The following ZNRF3 variants were observed in gnomAD, a reference collection of about 807,000 sequenced individuals.
ZNRF3 encodes the protein E3 ubiquitin-protein ligase ZNRF3.
ZNRF3 carries 23 observed loss-of-function variants against 72.5 expected under a neutral mutation model. That is an observed-to-expected ratio of 0.32 (90% CI 0.23 to 0.45). The LOEUF (loss-of-function observed/expected upper bound fraction) is 0.45. Ranked by LOEUF, ZNRF3 falls within the 20% of genes least tolerant of loss-of-function variation. ZNRF3 has a pLI of 1.00. For missense variants in ZNRF3, 1,169 were observed against 1,272.1 expected, an observed-to-expected ratio of 0.92 and a Z score of 1.23; for synonymous variants, 610 against 545.3, an observed-to-expected ratio of 1.12 and a Z score of -1.65.
At chr22:28,913,475 TTAGA>T (rs1372058978) in intron 1 of ZNRF3, among the ~76,000 whole-genome samples, 1 of 151,912 alleles carries the variant, frequency 6.6e-6, no homozygotes, top group Non-Finnish European at 1.5e-5. Flanking sequence ...TGGTGTCCTG[TTAGA>T]TTATGAGGAT....
intron 1 of ZNRF3, among the ~76,000 whole-genome samples, chr22:28,900,230 C>T (rs1320963807): frequency 1.3e-5 from 2 of 152,120 alleles, no homozygotes; most frequent in Non-Finnish European, 1.5e-5. Context: ...TCCCTTATAC[C>T]AAGATGGGGT....
intron 2 of ZNRF3, among the ~76,000 whole-genome samples, chr22:29,027,600 G>A (rs2036664408): frequency 6.6e-6 from 1 of 152,166 alleles, no homozygotes; most frequent in African/African-American, 2.4e-5. Flanking sequence ...CCACTGGGCT[G>A]ACAGCCACTG....
intron 2 of ZNRF3, among the ~76,000 whole-genome samples, chr22:29,007,763 T>C (rs2036284333): frequency 6.9e-6 from 1 of 144,778 alleles, no homozygotes; most frequent in Admixed American, 6.8e-5. Context: ...TTTTTTTTTT[T>C]TTTTTTTTTT....
chr22:28,987,206 G>C lies in ZNRF3; in HGVS notation c.426+5G>C. The C allele has an allele frequency of 6.2e-7, 1 of 1,605,390 alleles. No homozygotes were observed. On this transcript the variant is annotated splice_donor_5th_base_variant and intron_variant, in intron 2 of 8. Coordinates refer to ENST00000544604, the MANE Select transcript of ZNRF3 (RefSeq NM_001206998.2). ...TGCCTCACTGTCCTAGGCAAGGTAA[G>C]CACCAGGCCCTTGGAATCACTGTGT...
chr22:28,946,418 T>C (rs1292850251), intron 1 of ZNRF3, among the ~76,000 whole-genome samples: 1 of 152,230 alleles, frequency 6.6e-6, no homozygotes, highest in African/African-American at 2.4e-5. Flanking sequence ...AAGGAAGTTA[T>C]ATCGCTTAGC....
chr22:28,999,047 G>A (rs2036096025), intron 2 of ZNRF3, among the ~76,000 whole-genome samples: 1 of 152,042 alleles, frequency 6.6e-6, no homozygotes, highest in African/African-American at 2.4e-5. Flanking sequence ...GCCGGGTGCG[G>A]TGGCTCATGC....
chr22:28,926,306 A>T (rs1344140911), intron 1 of ZNRF3, among the ~76,000 whole-genome samples: 1 of 152,066 alleles, frequency 6.6e-6, no homozygotes, highest in Admixed American at 6.5e-5. Flanking sequence ...TTTTAAATTG[A>T]TTTGAAGAAA....
intron 1 of ZNRF3, among the ~76,000 whole-genome samples, chr22:28,937,688 A>G (rs1402377619): frequency 6.6e-6 from 1 of 152,126 alleles, no homozygotes; most frequent in Non-Finnish European, 1.5e-5. Flanking sequence ...CCTGGCAACC[A>G]CCCTTTGAGA....
intron 1 of ZNRF3, among the ~76,000 whole-genome samples, chr22:28,946,459 C>G (rs146962471): frequency 7.9e-5 from 12 of 152,322 alleles, no homozygotes; most frequent in African/African-American, 2.9e-4. Flanking sequence ...TGTCATCCTT[C>G]TGTAATCATG....
intron 1 of ZNRF3, among the ~76,000 whole-genome samples, chr22:28,944,087 A>G (rs1392001447): frequency 6.6e-6 from 1 of 152,162 alleles, no homozygotes; most frequent in African/African-American, 2.4e-5. Flanking sequence ...TAAAATTAGC[A>G]ATCATTTTTA....
chr22:28,884,359 T>G (rs2123738394), intron 1 of ZNRF3, among the ~76,000 whole-genome samples: 1 of 152,316 alleles, frequency 6.6e-6, no homozygotes, highest in African/African-American at 2.4e-5. Flanking sequence ...GGTTGGGTAT[T>G]TAGGTCTGCC....
At position 28,987,093 on chromosome 22, in the gene ZNRF3, A is replaced by G. The variant is rs5762940; in HGVS notation, c.318A>G (p.Leu106=). 8.4e-4 allele frequency: 1,360 copies of G among 1,613,386 alleles called. 18 individuals are homozygous for G. The East Asian group carries it at 0.027, about 32-fold the overall frequency. ...GEIVQMHPLG[L]CNNNDEEDLY... Reference sequence around the variant, plus strand: ...TTTCCTAGATGCACCCACTGGGCCTATGTAATAACAATGACGAAGAGGACT... The same window carrying G: ...TTTCCTAGATGCACCCACTGGGCCTGTGTAATAACAATGACGAAGAGGACT... The change falls in exon 2 of 9, where the codon CTA becomes CTG. Residue 106 remains leucine, a synonymous_variant. Transcript: ENST00000544604.
chr22:28,923,790 C>T (rs1569247420), intron 1 of ZNRF3, among the ~76,000 whole-genome samples: 1 of 152,230 alleles, frequency 6.6e-6, no homozygotes, highest in Non-Finnish European at 1.5e-5. Flanking sequence ...CTAGTGATGT[C>T]CCCTCCCAAG....
intron 1 of ZNRF3, among the ~76,000 whole-genome samples, chr22:28,963,901 C>G (rs1209931620): frequency 6.6e-6 from 1 of 152,152 alleles, no homozygotes; most frequent in South Asian, 2.1e-4. Context: ...ACCTTGAAAG[C>G]TTAGCACAGT....
chr22:29,009,302 C>T (rs2036309448), intron 2 of ZNRF3, among the ~76,000 whole-genome samples: 1 of 152,024 alleles, frequency 6.6e-6, no homozygotes, highest in African/African-American at 2.4e-5. Flanking sequence ...TGTGGCGTAT[C>T]CCAGAGCCAG....
intron 1 of ZNRF3, among the ~76,000 whole-genome samples, chr22:28,962,934 T>A (rs1394557690): frequency 1.3e-5 from 2 of 152,226 alleles, no homozygotes; most frequent in South Asian, 2.1e-4. Context: ...ACCCTGAACA[T>A]CCTTTTGGAA....
chr22:28,938,227 C>CT (rs2123785006), intron 1 of ZNRF3, among the ~76,000 whole-genome samples: 1 of 151,754 alleles, frequency 6.6e-6, no homozygotes, highest in Admixed American at 6.6e-5. Context: ...TTAAGACATG[C>CT]TTTTTTCATT....
chr22:28,895,696 C>T (rs917222245), intron 1 of ZNRF3, among the ~76,000 whole-genome samples: 1 of 151,908 alleles, frequency 6.6e-6, no homozygotes, highest in African/African-American at 2.4e-5. Flanking sequence ...TGACTTAGCT[C>T]TCCTTTTGCA....
chr22:28,912,949 A>G (rs2034345850), intron 1 of ZNRF3, among the ~76,000 whole-genome samples: 1 of 152,176 alleles, frequency 6.6e-6, no homozygotes, highest in Non-Finnish European at 1.5e-5. Context: ...TACAGGCGTA[A>G]GCCACCGCAC....
Sources: gnomAD v4.1 joint callset for allele counts (sites outside exome capture counted in the v4.1 genomes callset) on GRCh38, gnomAD v4.1.1 for gene constraint, MANE v1.5 for transcripts, NCBI Gene and HGNC (gene_info 2026-07-23, HGNC 2026-07-21) for gene names.